RBM47: variants seen among roughly 807,000 people sequenced by gnomAD.
The protein encoded by RBM47 is RNA binding motif protein 47.
In RBM47, 21 loss-of-function variants were observed where a neutral mutation model predicts 47.1. That is an observed-to-expected ratio of 0.45 (90% CI 0.32 to 0.64). The LOEUF (loss-of-function observed/expected upper bound fraction) is 0.64, where lower values mean the gene tolerates loss of function less well. RBM47 is among the 30% of genes least tolerant of loss of function. The probability of loss-of-function intolerance (pLI) is 0.05; values close to 1 mark genes in which losing one functional copy is unlikely to be tolerated. For missense variants in RBM47, 708 were observed against 870.9 expected, an observed-to-expected ratio of 0.81 and a Z score of 2.35; for synonymous variants, 375 against 361.7, an observed-to-expected ratio of 1.04 and a Z score of -0.42.
intron 2 of RBM47, among the ~76,000 whole-genome samples, chr4:40,492,719 A>G (rs1032102180): frequency 6.6e-6 from 1 of 152,202 alleles, no homozygotes; most frequent in African/African-American, 2.4e-5. Flanking sequence ...CACAGTGAAT[A>G]GCTTTCCAAG....
intron 2 of RBM47, among the ~76,000 whole-genome samples, chr4:40,482,019 C>T (rs147443055): frequency 2.0e-5 from 3 of 152,242 alleles, no homozygotes; most frequent in Non-Finnish European, 4.4e-5. Flanking sequence ...CAGGTGTGAG[C>T]CACCGTACCT....
intron 6 of RBM47, chr4:40,427,182 C>G (rs1287084430): frequency 6.6e-6 from 1 of 152,168 alleles, no homozygotes; most frequent in Non-Finnish European, 1.5e-5. Context: ...TTTCCATCAC[C>G]TCCCACCTAA....
intron 1 of RBM47, among the ~76,000 whole-genome samples, chr4:40,625,798 T>C (rs1737685944): frequency 6.6e-6 from 1 of 152,190 alleles, no homozygotes; most frequent in African/African-American, 2.4e-5. Flanking sequence ...TCTTGATTAA[T>C]GTGGCTGAGT....
intron 1 of RBM47, among the ~76,000 whole-genome samples, chr4:40,621,501 CAAAAAT>C (rs763388320): frequency 1.6e-4 from 24 of 152,286 alleles, no homozygotes; most frequent in Non-Finnish European, 3.2e-4. Flanking sequence ...CAGGTCAAGA[CAAAAAT>C]ACCTAATTGA....
chr4:40,463,872 G>A (rs1717548718), intron 3 of RBM47, among the ~76,000 whole-genome samples: 1 of 152,016 alleles, frequency 6.6e-6, no homozygotes, highest in Non-Finnish European at 1.5e-5. Flanking sequence ...TTTTACATGT[G>A]CCCTGTGAAA....
At chr4:40,472,560 C>A in intron 2 of RBM47, among the ~76,000 whole-genome samples, 2 of 92,972 alleles carry the variant, frequency 2.2e-5, no homozygotes, top group African/African-American at 1.2e-4. Flanking sequence ...GATGCTCTGT[C>A]TCAAAAAAAA....
chr4:40,496,354 AC>A (rs1722580491), intron 2 of RBM47, among the ~76,000 whole-genome samples: 1 of 109,576 alleles, frequency 9.1e-6, no homozygotes, highest in Non-Finnish European at 2.0e-5. Context: ...ACACACACAC[AC>A]ACACACACAA....
At chr4:40,504,384 A>G (rs954722644) in intron 2 of RBM47, among the ~76,000 whole-genome samples, 5 of 148,108 alleles carry the variant, frequency 3.4e-5, no homozygotes, top group Non-Finnish European at 7.4e-5. Context: ...TCCACCTCCC[A>G]GGTTCAAGAA....
At chr4:40,503,021 C>CA (rs1723601270) in intron 2 of RBM47, among the ~76,000 whole-genome samples, 1 of 146,618 alleles carries the variant, frequency 6.8e-6, no homozygotes, top group African/African-American at 2.5e-5. Context: ...AAAAAGAAAA[C>CA]AGTTGAATTT....
intron 2 of RBM47, among the ~76,000 whole-genome samples, chr4:40,530,092 C>A (rs1241680779): frequency 6.7e-6 from 1 of 150,370 alleles, no homozygotes; most frequent in Non-Finnish European, 1.5e-5. Context: ...TGTGCCACCA[C>A]ACCTGGTTAA....
chr4:40,436,183 A>C (rs71608035), intron 5 of RBM47, among the ~76,000 whole-genome samples: 46,291 of 112,224 alleles, frequency 0.41, 7,640 homozygotes, highest in East Asian at 0.5. Context: ...AAAAAAAAAA[A>C]AAACAAACAA....
chr4:40,477,379 A>G (rs1719771037), intron 2 of RBM47, among the ~76,000 whole-genome samples: 2 of 152,236 alleles, frequency 1.3e-5, no homozygotes, highest in South Asian at 4.1e-4. Flanking sequence ...TATGTTAAAT[A>G]TTATATAAAA....
rs1451091838 is a variant in RBM47, at chr4:40,578,860, G to A, written c.-239-34354C>T. The stretch of plus-strand genomic sequence containing the variant: ...AAGCTGGGCACGATGGCTCACGCCT[G>A]TAATTCCAGCACTTTGGGAGGCCAG... On this transcript the variant is annotated intron_variant, in intron 1 of 6. Transcript: ENST00000295971. Among the ~76,000 whole-genome samples, 4 of 152,230 alleles carry A rather than the reference G, an allele frequency of 2.6e-5. No homozygotes were observed. The South Asian group carries it at 6.2e-4, about 24-fold the overall frequency.
At chr4:40,596,944 ATTAAGTAT>A (rs1470132563) in intron 1 of RBM47, among the ~76,000 whole-genome samples, 2 of 152,194 alleles carry the variant, frequency 1.3e-5, no homozygotes, top group South Asian at 2.1e-4. Context: ...ATTTTTAAAT[ATTAAGTAT>A]TTAAGTATTT....
chr4:40,600,432 A>C (rs1735148183), intron 1 of RBM47, among the ~76,000 whole-genome samples: 1 of 148,432 alleles, frequency 6.7e-6, no homozygotes, highest in African/African-American at 2.5e-5. Context: ...CAGGAGATTG[A>C]GACCATGCTG....
At chr4:40,489,056 C>T (rs278983) in intron 2 of RBM47, among the ~76,000 whole-genome samples, 2,488 of 152,256 alleles carry the variant, frequency 0.016, 69 homozygotes, top group African/African-American at 0.057. Flanking sequence ...ATGGACTGCA[C>T]CATAATGAAA....
rs1560495180 is a variant in RBM47 at position 40,595,658 on chromosome 4, A to AGC, written c.-240+33737_-240+33738insGC. ...ATCCTAGCACTTTGGGAGGCTGAGAAAGGAGGATCACTTGAGGTCAGAAGT... is the reference window on the plus strand; with the variant it reads ...ATCCTAGCACTTTGGGAGGCTGAGAAGCAGGAGGATCACTTGAGGTCAGAAGT... On this transcript the variant is annotated intron_variant, in intron 1 of 6. Coordinates refer to ENST00000295971, the MANE Select transcript of RBM47 (RefSeq NM_001098634.2). 2.4e-3 allele frequency among the ~76,000 whole-genome samples: 363 copies of AGC among 151,706 alleles called. 3 individuals are homozygous for AGC. Among genetic ancestry groups the AGC allele is most frequent in the African/African-American group, 8.2e-3 (339 of 41,254 alleles).
intron 1 of RBM47, among the ~76,000 whole-genome samples, chr4:40,612,238 G>GTA (rs749628464): frequency 7.2e-5 from 11 of 152,302 alleles, no homozygotes; most frequent in Non-Finnish European, 1.6e-4. Flanking sequence ...TATTCAAGAA[G>GTA]TATAGTTAGA....
intron 2 of RBM47, among the ~76,000 whole-genome samples, chr4:40,531,971 C>A (rs1362338888): frequency 1.3e-5 from 2 of 151,708 alleles, no homozygotes; most frequent in African/African-American, 4.8e-5. Flanking sequence ...GAACTCCCAG[C>A]CTTGGTTTTG....
Sources: allele counts gnomAD v4.1 joint callset (sites outside exome capture counted in the v4.1 genomes callset), GRCh38; gene constraint gnomAD v4.1.1; transcripts MANE v1.5; gene names NCBI Gene and HGNC (gene_info 2026-07-23, HGNC 2026-07-21).